The following PDLIM1 variants were observed in gnomAD, a reference collection of about 807,000 sequenced individuals.
The protein encoded by PDLIM1 is PDZ and LIM domain 1, also known as PDZ and LIM domain protein 1.
Under a neutral mutation model 35.2 loss-of-function variants are expected in PDLIM1, and 25 were observed. The observed-to-expected ratio is 0.71, with a 90% CI of 0.52 to 0.99. The LOEUF (loss-of-function observed/expected upper bound fraction) is 0.99, where lower values mean the gene tolerates loss of function less well. Ranked by LOEUF, PDLIM1 falls within the 50% of genes least tolerant of loss-of-function variation. The pLI is 0.00. For synonymous variants in PDLIM1, 152 were observed against 154.0 expected, an observed-to-expected ratio of 0.99 and a Z score of 0.10; for missense variants, 363 against 415.3, an observed-to-expected ratio of 0.87 and a Z score of 1.09.
chr10:95,241,040 A>G (rs2035173483), intron 5 of PDLIM1, among the ~76,000 whole-genome samples: 2 of 152,004 alleles, frequency 1.3e-5, no homozygotes, highest in Non-Finnish European at 2.9e-5. Flanking sequence ...TCCAAGAACC[A>G]CTGGACAAGA....
chr10:95,275,055 A>G (rs2035499556), intron 1 of PDLIM1, among the ~76,000 whole-genome samples: 1 of 152,178 alleles, frequency 6.6e-6, no homozygotes, highest in African/African-American at 2.4e-5. Flanking sequence ...CAACTTCCCC[A>G]GTTACTCCTG....
At position 95,271,670 on chromosome 10, in the gene PDLIM1, T is replaced by A; in HGVS notation, c.211A>T (p.Lys71Ter). 6.2e-7 allele frequency: 1 copy of A among 1,610,470 alleles called. No homozygotes were observed. The highest frequency in any genetic ancestry group is 1.1e-5 in the South Asian group (1 of 90,094). The change falls in exon 2 of 7, where the codon AAA (lysine) becomes TAA (stop). Residue 71 changes from lysine to a stop codon, truncating the protein, a stop_gained. Coordinates refer to ENST00000329399, the MANE Select transcript of PDLIM1 (RefSeq NM_020992.4). LOFTEE classifies it high-confidence loss of function. ...MTHLEAQNRI[K>*]GCTDNLTLTV... ...AGAGTCAAGTTGTCTGTGCAGCCTT[T>A]GATTCTGTTCTGAGCTTCCAAGTGT...
chr10:95,252,926 A>G (rs1016260736), intron 4 of PDLIM1, among the ~76,000 whole-genome samples: 1 of 152,188 alleles, frequency 6.6e-6, no homozygotes, highest in Non-Finnish European at 1.5e-5. Context: ...ATTCATGTCA[A>G]TGGAGTCTTG....
chr10:95,261,065 G>T (rs930472056), intron 4 of PDLIM1, among the ~76,000 whole-genome samples: 12 of 152,206 alleles, frequency 7.9e-5, no homozygotes, highest in Non-Finnish European at 1.8e-4. Context: ...AATCTGCAAA[G>T]AGACAAATTT....
rs372510009 is a variant in PDLIM1, at chr10:95,237,962, G to A, written c.953C>T (p.Pro318Leu). The change falls in exon 7 of 7, where the codon CCT becomes CTT. Residue 318 changes from proline to leucine, a missense_variant. Pro to Leu is a moderately conservative substitution (Grantham distance 98, BLOSUM62 -3). Coordinates refer to ENST00000329399, the MANE Select transcript of PDLIM1 (RefSeq NM_020992.4). The stretch of plus-strand genomic sequence containing the variant: ...CACAGTGACCACTTCATAACCCTCA[G>A]GTGGTGTGACTCGCTCCCGGGCATG... ...EKHARERVTP[P>L]EGYEVVTVFP... is the part of the protein sequence containing the mutation. 23 of 1,614,168 alleles carry A rather than the reference G, an allele frequency of 1.4e-5. 1 individual carries two copies. In the East Asian group the frequency reaches 2.0e-4, roughly 14 times the overall value.
Position 95,290,857 on chromosome 10 carries a change from C to T in PDLIM1, c.59G>A (p.Gly20Asp). 1 of 1,564,974 alleles carries T rather than the reference C, an allele frequency of 6.4e-7. No homozygotes were observed. The highest frequency in any genetic ancestry group is 8.7e-7 in the Non-Finnish European group (1 of 1,155,404). ...GAGAGGCTGCTCGAAGTCCTTGCCGCCCACGAGGCGGAAGCCCCACGGCCC... is the reference window on the plus strand; with the variant it reads ...GAGAGGCTGCTCGAAGTCCTTGCCGTCCACGAGGCGGAAGCCCCACGGCCC... ...GPGPWGFRLVGGKDFEQPLAI... is the reference protein window; with the variant it reads ...GPGPWGFRLVDGKDFEQPLAI... The change falls in exon 1 of 7, where the codon GGC becomes GAC. Residue 20 changes from glycine (G) to aspartate (D), a missense_variant. Transcript: ENST00000329399. This position sits in a 1 kb window ranked among gnomAD's most constrained non-coding sequence, Gnocchi z 4.7.
In PDLIM1 at chr10:95,238,663, T is replaced by A. The variant is rs1371331498; in HGVS notation, c.708A>T (p.Gly236=). 1 of 1,613,280 alleles carries A rather than the reference T, an allele frequency of 6.2e-7. No individual in the cohort carries two copies. Among genetic ancestry groups the A allele is most frequent in the Middle Eastern group, 1.6e-4 (1 of 6,062 alleles). ...TGACAGGAGCTTTAACACTTCTGAATCCTGAGGGCTTGTTGGGATCCCCTG... is the reference window on the plus strand; with the variant it reads ...TGACAGGAGCTTTAACACTTCTGAAACCTGAGGGCTTGTTGGGATCCCCTG... ...EEKGDPNKPS[G]FRSVKAPVTK... The change falls in exon 6 of 7, where the codon GGA becomes GGT. Residue 236 remains glycine, a synonymous_variant. Coordinates refer to ENST00000329399, the MANE Select transcript of PDLIM1 (RefSeq NM_020992.4).
Position 95,264,080 on chromosome 10 carries a change from G to A in PDLIM1, c.334-17C>T. On this transcript the variant is annotated splice_polypyrimidine_tract_variant and intron_variant, in intron 3 of 6. Coordinates refer to ENST00000329399, the MANE Select transcript of PDLIM1 (RefSeq NM_020992.4). ...CAGGACCTCCTGCAGGCAGGGATCA[G>A]AGGAGAAATCAAGGGGGGCATCCAA... 6.2e-7 allele frequency: 1 copy of A among 1,610,394 alleles called. No homozygotes were observed. The highest frequency in any genetic ancestry group is 8.5e-7 in the Non-Finnish European group (1 of 1,177,562).
At chr10:95,287,470 A>G (rs2035612695) in intron 1 of PDLIM1, among the ~76,000 whole-genome samples, 1 of 152,188 alleles carries the variant, frequency 6.6e-6, no homozygotes, top group African/African-American at 2.4e-5. Flanking sequence ...AGGGTTCCCC[A>G]GGACTCCAGA....
chr10:95,271,436 C>CAAA (rs5787128), intron 2 of PDLIM1, among the ~76,000 whole-genome samples, 197 bp downstream of exon 2: 1 of 71,892 alleles, frequency 1.4e-5, no homozygotes. Context: ...GACTCCGTCT[C>CAAA]AAAAAAAAAA....
intron 2 of PDLIM1, among the ~76,000 whole-genome samples, chr10:95,270,382 C>T (rs1294029401): frequency 6.6e-6 from 1 of 151,652 alleles, no homozygotes. Flanking sequence ...AGAATCTAAC[C>T]AAAGGCTCCA....
chr10:95,255,942 GAACT>G (rs1426492290), intron 4 of PDLIM1, among the ~76,000 whole-genome samples: 1 of 92,188 alleles, frequency 1.1e-5, no homozygotes, highest in Admixed American at 1.1e-4. Context: ...CACACAATTG[GAACT>G]AATAAATGAA....
chr10:95,279,741 A>G (rs956881537), intron 1 of PDLIM1, among the ~76,000 whole-genome samples: 35 of 152,224 alleles, frequency 2.3e-4, no homozygotes, highest in Non-Finnish European at 4.3e-4. Context: ...TAAAGCAGAA[A>G]TGGATGCAGC....
intron 4 of PDLIM1, among the ~76,000 whole-genome samples, chr10:95,251,559 C>T (rs1390011192): frequency 2.6e-5 from 4 of 152,150 alleles, no homozygotes; most frequent in African/African-American, 9.7e-5. Context: ...ATTGCTGATA[C>T]AACCTTAGTA....
At chr10:95,259,410 A>G (rs1288247124) in intron 4 of PDLIM1, among the ~76,000 whole-genome samples, 3 of 152,204 alleles carry the variant, frequency 2.0e-5, no homozygotes, top group African/African-American at 7.2e-5. Flanking sequence ...CTCATATCCC[A>G]AGAAATGAGA....
intron 4 of PDLIM1, among the ~76,000 whole-genome samples, chr10:95,255,352 T>G (rs534539128): frequency 6.2e-5 from 9 of 145,018 alleles, no homozygotes; most frequent in South Asian, 2.2e-4. Context: ...AGCTACAGAC[T>G]GATATTACTA....
intron 1 of PDLIM1, among the ~76,000 whole-genome samples, chr10:95,288,636 A>C (rs2035622837): frequency 6.6e-6 from 1 of 152,114 alleles, no homozygotes; most frequent in African/African-American, 2.4e-5. Flanking sequence ...CCAGCACCAG[A>C]TCTCAGATGG....
At chr10:95,279,423 C>G (rs964226131) in intron 1 of PDLIM1, among the ~76,000 whole-genome samples, 1 of 152,190 alleles carries the variant, frequency 6.6e-6, no homozygotes, top group Non-Finnish European at 1.5e-5. Flanking sequence ...CACAATATAA[C>G]TACCTTCTTG....
intron 4 of PDLIM1, among the ~76,000 whole-genome samples, chr10:95,250,035 C>A (rs1452190678): frequency 6.6e-6 from 1 of 152,150 alleles, no homozygotes; most frequent in Middle Eastern, 3.2e-3. Flanking sequence ...GTTGTTTTAA[C>A]CAAGGGTCTT....
Sources: allele counts gnomAD v4.1 joint callset (sites outside exome capture counted in the v4.1 genomes callset), GRCh38; gene constraint gnomAD v4.1.1; non-coding constraint Gnocchi (gnomAD v3.1); transcripts MANE v1.5; gene names NCBI Gene and HGNC (gene_info 2026-07-23, HGNC 2026-07-21).